Variants in SALL2 observed in about 807,000 individuals in gnomAD.
The protein encoded by SALL2 is spalt like transcription factor 2, also known as sal-like protein 2.
In SALL2, 32 loss-of-function variants were observed where a neutral mutation model predicts 58.5. The observed-to-expected ratio is 0.55, with a 90% confidence interval of 0.41 to 0.74. SALL2 has a LOEUF of 0.74. Among genes scored for constraint, SALL2 ranks in the 30% least tolerant of loss-of-function variants. SALL2 has a pLI of 0.00. For missense variants in SALL2, 1,201 were observed against 1,268.9 expected, an observed-to-expected ratio of 0.95 and a Z score of 0.81; for synonymous variants, 516 against 513.6, an observed-to-expected ratio of 1.00 and a Z score of -0.06.
At position 21,525,622 on chromosome 14, in the gene SALL2, A is replaced by G; in HGVS notation, c.100T>C (p.Cys34Arg). ...GTGAATTGTGCGCAGCACTTGGCAC[A>G]GACTTGGGGGTGATCCTCCTCGCTA... The part of the protein sequence containing the change: ...DASEEDHPQV[C>R]AKCCAQFTDP... The change falls in exon 2 of 2, where the codon TGT (cysteine) becomes CGT (arginine). Residue 34 changes from cysteine to arginine, a missense_variant. By Grantham distance (180) the Cys-to-Arg change is radical. Around this residue, in one of 3 missense-constraint regions of SALL2, gnomAD observed 467 missense variants for 468.9 expected, o/e 1.00. Transcript: ENST00000537235. This position sits in a 1 kb window ranked among gnomAD's most constrained non-coding sequence, Gnocchi z 4.4. 6.3e-7 allele frequency: 1 copy of G among 1,599,168 alleles called. No homozygotes were observed. The highest frequency in any genetic ancestry group is 1.1e-5 in the South Asian group (1 of 87,970).
chr14:21,522,868 T>C lies in SALL2; in HGVS notation c.2854A>G (p.Thr952Ala), dbSNP rs773111263. The stretch of plus-strand genomic sequence containing the variant: ...GCCAGGAGCATATGCTTCTTGAGGG[T>C]AGCCCGCTCAAGAAAGCCCTGCCTG... ...FCRQGFLERA[T>A]LKKHMLLAHH... The change falls in exon 2 of 2, where the codon ACC (threonine) becomes GCC (alanine). Residue 952 changes from threonine to alanine, a missense_variant. Physicochemically the swap from Thr to Ala is moderately conservative, Grantham distance 58. Transcript: ENST00000537235. 6.2e-7 allele frequency: 1 copy of C among 1,610,688 alleles called. No individual in the cohort carries two copies. The highest frequency in any genetic ancestry group is 1.3e-5 in the African/African-American group (1 of 74,774).
In SALL2 at chr14:21,525,924, G is replaced by C; in HGVS notation, c.67+137C>G. The C allele has an allele frequency of 1.1e-6, 1 of 906,996 alleles. No individual in the cohort carries two copies. The allele number at this position is 906,996 out of a possible 1,614,324, so 56.2% of individuals were successfully genotyped here. A position where few individuals can be genotyped will look rare whatever the true frequency, so the allele number is the denominator to read the frequency against. On this transcript the variant is annotated intron_variant, in intron 1 of 1. Coordinates refer to ENST00000537235, the MANE Select transcript of SALL2 (RefSeq NM_001364564.1). This position sits in a 1 kb window ranked among gnomAD's most constrained non-coding sequence, Gnocchi z 4.4. ...ACCCTCCCTTCCCCAGGCCACAAGC[G>C]AGTTCACGGAATAGGTGTGGGGACA...
Position 21,522,570 on chromosome 14 carries a change from A to G in SALL2, c.*134T>C. ...TAATTTCCAAGCTCAGGGACTACAG[A>G]AAAGCCACTAGGGACATAACATGTT... On this transcript the variant is annotated 3_prime_UTR_variant, in exon 2 of 2. Coordinates refer to ENST00000537235, the MANE Select transcript of SALL2 (RefSeq NM_001364564.1). 7.1e-7 allele frequency: 1 copy of G among 1,407,872 alleles called. No homozygotes were observed. Among genetic ancestry groups the G allele is most frequent in the Non-Finnish European group, 9.2e-7 (1 of 1,083,554 alleles). 87.2% of individuals were successfully genotyped at this position (1,407,872 alleles called of 1,614,324 possible).
At chr14:21,527,401 T>C (rs79892541), upstream of SALL2, among the ~76,000 whole-genome samples, 42 of 152,326 alleles carry the variant, frequency 2.8e-4, no homozygotes, top group East Asian at 7.1e-3. Context: ...TTCTCTTTTT[T>C]ACCTTGAAAT....
Position 21,523,435 on chromosome 14 carries a change from C to G in SALL2, c.2287G>C (p.Glu763Gln), listed in dbSNP as rs750342844. The G allele has an allele frequency of 3.7e-6, 6 of 1,613,846 alleles. No individual in the cohort carries two copies. The highest frequency in any genetic ancestry group is 3.4e-6 in the Non-Finnish European group (4 of 1,179,922). Residue 763 changes from glutamate to glutamine, a missense_variant, in exon 2 of 2, where the codon GAG becomes CAG. By Grantham distance (29) the Glu-to-Gln change is conservative. This residue lies in a region of SALL2 where 675 missense variants were observed against 683.8 expected (regional missense o/e 0.99). Transcript: ENST00000537235. The surrounding 1 kb of genome is among the most constrained non-coding windows in gnomAD (Gnocchi z 4.4). ...TCTTCCTCATCCTCCTCTTCCTCCT[C>G]CTCAGACAACTCCTCTTCCGGTGAT... is the stretch of plus-strand genomic sequence containing the variant. Reference protein sequence around the residue: ...QPSPEEELSEEEEEEDEEEEE... With the variant: ...QPSPEEELSEQEEEEDEEEEE...
chr14:21,530,237 TC>T (rs1367745373), upstream of SALL2, among the ~76,000 whole-genome samples: 1 of 152,262 alleles, frequency 6.6e-6, no homozygotes, highest in East Asian at 1.9e-4. Flanking sequence ...CATATTTTTT[TC>T]TTTTTTAATT....
At chr14:21,536,626 A>C (rs1892604046) in intron 1 of SALL2, among the ~76,000 whole-genome samples, 1 of 152,272 alleles carries the variant, frequency 6.6e-6, no homozygotes, top group Non-Finnish European at 1.5e-5. Flanking sequence ...TTTCATCCAG[A>C]GAAAAACAAG....
rs900524926 is a variant in SALL2, at chr14:21,523,074, G to A, written c.2648C>T (p.Ala883Val). 1 of 1,614,096 alleles carries A rather than the reference G, an allele frequency of 6.2e-7. No individual in the cohort carries two copies. Among genetic ancestry groups the A allele is most frequent in the East Asian group, 2.2e-5 (1 of 44,872 alleles). ...PASALTPEGE[A>V]TSVTLVEELS... is the part of the protein sequence containing the mutation. ...CTCCTCTACCAAGGTCACGCTGGTG[G>A]CTTCCCCTTCTGGGGTGAGTGCTGA... The change falls in exon 2 of 2, where the codon GCC becomes GTC. Residue 883 changes from alanine to valine, a missense_variant. Ala to Val is a moderately conservative substitution (Grantham distance 64, BLOSUM62 0). Coordinates refer to ENST00000537235, the MANE Select transcript of SALL2 (RefSeq NM_001364564.1). This position sits in a 1 kb window ranked among gnomAD's most constrained non-coding sequence, Gnocchi z 4.4.
upstream of SALL2, chr14:21,526,437 G>C (rs1892317563): frequency 2.2e-6 from 3 of 1,339,932 alleles, no homozygotes; most frequent in South Asian, 3.3e-5. Flanking sequence ...GAGCGCTAGC[G>C]GGGGCGTGGG....
chr14:21,522,382 A>T lies in SALL2; in HGVS notation c.*322T>A. 7.0e-7 allele frequency: 1 copy of T among 1,428,340 alleles called. No individual in the cohort carries two copies. The highest frequency in any genetic ancestry group is 9.1e-7 in the Non-Finnish European group (1 of 1,094,340). 88.5% of individuals were successfully genotyped at this position (1,428,340 alleles called of 1,614,324 possible). On this transcript the variant is annotated 3_prime_UTR_variant, in exon 2 of 2. Coordinates refer to ENST00000537235, the MANE Select transcript of SALL2 (RefSeq NM_001364564.1). ...CAAATGTAGGTGCTCAGGTGCACCT[A>T]CCAAAGGGAAAGGGAGAGGAGAGAG...
rs762636504 is a variant in SALL2, at chr14:21,524,827, C to T, written c.895G>A (p.Ala299Thr). The T allele has an allele frequency of 6.2e-7, 1 of 1,611,568 alleles. No individual in the cohort carries two copies. The highest frequency in any genetic ancestry group is 1.1e-5 in the South Asian group (1 of 90,666). ...GVGRSHKPTP[A>T]PSPALPGSTD... The stretch of plus-strand genomic sequence containing the variant: ...CTGCCTGGCAAGGCTGGGGAAGGGG[C>T]AGGGGTGGGTTTGTGGCTTCGCCCA... The change falls in exon 2 of 2, where the codon GCC becomes ACC. Residue 299 changes from alanine (A) to threonine (T), a missense_variant. Transcript: ENST00000537235.
In SALL2 at chr14:21,523,091, G is replaced by C; in HGVS notation, c.2631C>G (p.Leu877=). 6.2e-7 allele frequency: 1 copy of C among 1,614,162 alleles called. No homozygotes were observed. Among genetic ancestry groups the C allele is most frequent in the Non-Finnish European group, 8.5e-7 (1 of 1,180,026 alleles). Residue 877 remains leucine (L), a synonymous_variant, in exon 2 of 2, where the codon CTC becomes CTG. Transcript: ENST00000537235. The surrounding 1 kb of genome is among the most constrained non-coding windows in gnomAD (Gnocchi z 4.4). ...CGCTGGTGGCTTCCCCTTCTGGGGT[G>C]AGTGCTGATGCCGGACTTGAGCTTC... ...PERSSSPASA[L]TPEGEATSVT...
At chr14:21,526,645 G>T, upstream of SALL2, 1 of 306,498 alleles carries the variant, frequency 3.3e-6, no homozygotes, top group Non-Finnish European at 4.9e-6. Flanking sequence ...GCTCAGTGGA[G>T]CAAGGCGATA....
Position 21,525,454 on chromosome 14 carries a change from T to C in SALL2, c.268A>G (p.Met90Val). The C allele has an allele frequency of 7.4e-6, 12 of 1,613,878 alleles. No individual in the cohort carries two copies. The highest frequency in any genetic ancestry group is 1.0e-5 in the Non-Finnish European group (12 of 1,179,874). The change falls in exon 2 of 2, where the codon ATG (methionine) becomes GTG (valine). Residue 90 changes from methionine to valine, a missense_variant. Physicochemically the swap from Met to Val is conservative, Grantham distance 21. Around this residue, in one of 3 missense-constraint regions of SALL2, gnomAD observed 467 missense variants for 468.9 expected, o/e 1.00. Coordinates refer to ENST00000537235, the MANE Select transcript of SALL2 (RefSeq NM_001364564.1). This position sits in a 1 kb window ranked among gnomAD's most constrained non-coding sequence, Gnocchi z 4.4. ...GGGGGGTTGCTATGCTCTGTGTCCATGACCTGAGGATTATTGTGACCCTCA... is the reference window on the plus strand; with the variant it reads ...GGGGGGTTGCTATGCTCTGTGTCCACGACCTGAGGATTATTGTGACCCTCA... ...RPEGHNNPQVMDTEHSNPPDS... is the reference protein window; with the variant it reads ...RPEGHNNPQVVDTEHSNPPDS...
upstream of SALL2, among the ~76,000 whole-genome samples, chr14:21,529,366 C>G (rs1209532727): frequency 6.6e-6 from 1 of 152,132 alleles, no homozygotes; most frequent in Non-Finnish European, 1.5e-5. Flanking sequence ...CCTTCTAAAT[C>G]TAGTGTCCCA....
chr14:21,525,370 C>G lies in SALL2; in HGVS notation c.352G>C (p.Glu118Gln). 1 of 1,606,910 alleles carries G rather than the reference C, an allele frequency of 6.2e-7. No homozygotes were observed. ...PTWGPERRGE[E>Q]SSGHFLVAAT... ...GCGACCAGGAAATGCCCTGAAGACT[C>G]CTCTCCTCTCCTCTCTGGGCCCCAG... The change falls in exon 2 of 2, where the codon GAG becomes CAG. Residue 118 changes from glutamate to glutamine, a missense_variant. Glu to Gln is a conservative substitution (Grantham distance 29). Coordinates refer to ENST00000537235, the MANE Select transcript of SALL2 (RefSeq NM_001364564.1). This position sits in a 1 kb window ranked among gnomAD's most constrained non-coding sequence, Gnocchi z 4.4.
intron 1 of SALL2, among the ~76,000 whole-genome samples, chr14:21,535,863 T>G (rs1204594603): frequency 6.6e-6 from 1 of 152,232 alleles, no homozygotes; most frequent in Non-Finnish European, 1.5e-5. Flanking sequence ...TCCTAAGAAT[T>G]ACCTGGACAA....
In SALL2 at chr14:21,522,946, C is replaced by A; in HGVS notation, c.2776G>T (p.Glu926Ter). ...QAFPSQAALE[E>*]HQKTHPKEGP... ...TCCTTGGGGTGGGTCTTCTGATGCT[C>A]CTCCAGAGCTGCCTGGGAGGGAAAG... The change falls in exon 2 of 2, where the codon GAG (glutamate) becomes TAG (stop). Residue 926 changes from glutamate to a stop codon, truncating the protein, a stop_gained. Coordinates refer to ENST00000537235, the MANE Select transcript of SALL2 (RefSeq NM_001364564.1). LOFTEE classifies it high-confidence loss of function. The A allele has an allele frequency of 6.2e-7, 1 of 1,614,106 alleles. No homozygotes were observed. The highest frequency in any genetic ancestry group is 2.2e-5 in the East Asian group (1 of 44,872).
chr14:21,527,958 G>A (rs1892366798), upstream of SALL2, among the ~76,000 whole-genome samples: 1 of 151,870 alleles, frequency 6.6e-6, no homozygotes, highest in Non-Finnish European at 1.5e-5. Context: ...TGGCCAACAT[G>A]TTGAAACCCC....
Sources: gnomAD v4.1 joint callset for allele counts (sites outside exome capture counted in the v4.1 genomes callset) on GRCh38, gnomAD v4.1.1 for gene constraint, gnomAD v4.1.1 regional missense constraint, Gnocchi (gnomAD v3.1) non-coding constraint, MANE v1.5 for transcripts, NCBI Gene and HGNC (gene_info 2026-07-23, HGNC 2026-07-21) for gene names.